RPS29: variants seen among roughly 807,000 people sequenced by gnomAD.
The protein encoded by RPS29 is ribosomal protein S29.
For synonymous variants in RPS29, 37 were observed against 26.9 expected (o/e 1.37, Z -1.16); for missense variants, 60 against 75.7 (o/e 0.79, Z 0.77).
chr14:49,579,893 G>C (rs138745732), downstream of RPS29, among the ~76,000 whole-genome samples: 56 of 152,304 alleles, frequency 3.7e-4, no homozygotes, highest in African/African-American at 1.3e-3. Flanking sequence ...TTCTTTGGGA[G>C]ACCTTGGGGA....
intron 2 of RPS29, 55 bp downstream of exon 2, chr14:49,585,895 A>G (rs1195750836): frequency 1.5e-6 from 2 of 1,365,826 alleles, no homozygotes; most frequent in African/African-American, 2.9e-5. Flanking sequence ...CGGAAAAAAT[A>G]ACCCCCACAA....
rs186081630 is a variant in RPS29 at position 49,597,104 on chromosome 14, G to T, written c.-133+1296C>A. Among the ~76,000 whole-genome samples the T allele has an allele frequency of 3.1e-3, 477 of 152,106 alleles. 4 individuals carry two copies. The highest frequency in any genetic ancestry group is 0.011 in the African/African-American group (460 of 41,514). On this transcript the variant is annotated intron_variant, in intron 1 of 3. Coordinates refer to the RPS29 transcript ENST00000556230. ...AATTTTTGTATTTTTAGTAGAGACG[G>T]GGTTTCACCATGCTGGCCAGGCTGG...
intron 1 of RPS29, chr14:49,598,235 T>C: frequency 6.9e-6 from 4 of 581,390 alleles, no homozygotes. Flanking sequence ...ACCCCGACCG[T>C]GAGCGCCTGC....
At chr14:49,593,793 CAG>C (rs1881765933) in intron 1 of RPS29, among the ~76,000 whole-genome samples, 1 of 142,508 alleles carries the variant, frequency 7.0e-6, no homozygotes, top group Admixed American at 7.1e-5. Flanking sequence ...ACTGAAAAAA[CAG>C]AGGCTGTCCT....
chr14:49,584,877 TA>T (rs952634618), intron 2 of RPS29, among the ~76,000 whole-genome samples: 18 of 146,866 alleles, frequency 1.2e-4, no homozygotes, highest in South Asian at 2.1e-4. Flanking sequence ...GTTTTCACCT[TA>T]AAAAAAAAAA....
chr14:49,586,641 G>C (rs991424695), upstream of RPS29: 23 of 435,960 alleles, frequency 5.3e-5, no homozygotes, highest in African/African-American at 1.0e-4. Flanking sequence ...CTGGAGGATC[G>C]CTTGAGTCCA....
At chr14:49,588,876 CTTTTTT>C (rs577408713), upstream of RPS29, among the ~76,000 whole-genome samples, 3 of 92,508 alleles carry the variant, frequency 3.2e-5, no homozygotes, top group South Asian at 8.5e-4. Flanking sequence ...TTTCTGAGTC[CTTTTTT>C]TTTTTTTTTT....
intron 2 of RPS29, among the ~76,000 whole-genome samples, chr14:49,584,288 G>C (rs914649748): frequency 1.3e-5 from 2 of 152,222 alleles, no homozygotes; most frequent in African/African-American, 2.4e-5. Flanking sequence ...AGTTCATCTA[G>C]GACACAGAGC....
rs557426636 is a variant in RPS29, at chr14:49,598,253, T to C, written c.-133+147A>G. The C allele has an allele frequency of 3.4e-3, 1,997 of 588,572 alleles. 22 individuals carry two copies. The highest frequency in any genetic ancestry group is 6.6e-3 in the South Asian group (320 of 48,454). 36.5% of individuals were successfully genotyped at this position (588,572 alleles called of 1,614,324 possible). On this transcript the variant is annotated intron_variant, in intron 1 of 3. Coordinates refer to the RPS29 transcript ENST00000556230. ...CCGACCGTGAGCGCCTGCTTAACAT[T>C]TGCTCCCCAGGCGCTTCCCACTCCC...
At chr14:49,571,566 T>C (rs528376788) in exon 3 of RPS29, 6 of 152,186 alleles carry the variant, frequency 3.9e-5, no homozygotes, top group Admixed American at 6.5e-5. Flanking sequence ...AGCTGGTGCT[T>C]TGAGTCAGCC....
At chr14:49,582,185 G>C (rs1001883574), downstream of RPS29, among the ~76,000 whole-genome samples, 5 of 152,224 alleles carry the variant, frequency 3.3e-5, no homozygotes, top group East Asian at 1.9e-4. Context: ...GTTGTCCCAG[G>C]TACTTGGGAG....
At chr14:49,586,147 T>G (rs1415588391) in intron 1 of RPS29, 98 bp from the exon 2 acceptor site, 2 of 1,394,536 alleles carry the variant, frequency 1.4e-6, no homozygotes, top group East Asian at 4.6e-5. Flanking sequence ...CAAGCCACAG[T>G]ACAGGCCTGT....
upstream of RPS29, chr14:49,586,880 T>C (rs1422479642): frequency 6.3e-6 from 1 of 159,964 alleles, no homozygotes; most frequent in Admixed American, 5.8e-5. Flanking sequence ...CCCGTCTCTT[T>C]TGAACAATAA....
rs1881412528 is a variant in RPS29 at position 49,583,668 on chromosome 14, T to C, written c.170A>G (p.Ter57=). 1 of 1,557,700 alleles carries C rather than the reference T, an allele frequency of 6.4e-7. No homozygotes were observed. The highest frequency in any genetic ancestry group is 8.8e-7 in the Non-Finnish European group (1 of 1,136,980). Residue 57 remains the stop codon, a stop_retained_variant, in exon 3 of 3, where the codon TAA becomes TGA. Transcript: ENST00000245458. The stretch of plus-strand genomic sequence containing the variant: ...GATAATCCTCTGAAGGAAGAGCATT[T>C]AGTCCAACTGAAAAAAAAAAAGCAG... ...AKDIGFIKLD[*] is the part of the protein sequence containing the mutation.
intron 1 of RPS29, among the ~76,000 whole-genome samples, chr14:49,593,472 G>A (rs1039151160): frequency 1.3e-5 from 2 of 152,082 alleles, no homozygotes; most frequent in Admixed American, 6.6e-5. Flanking sequence ...GGGAGGCCAA[G>A]GTAGGTGGAT....
At position 49,592,678 on chromosome 14, in the gene RPS29, A is replaced by T. The variant is rs1036564130; in HGVS notation, c.-133+5722T>A. Among the ~76,000 whole-genome samples, 6 of 149,294 alleles carry T rather than the reference A, an allele frequency of 4.0e-5. No individual in the cohort carries two copies. In the Admixed American group the frequency reaches 4.0e-4, roughly 10 times the overall value. On this transcript the variant is annotated intron_variant, in intron 1 of 3. Transcript: ENST00000556230. ...AATCCCAGCACTTTGGGAGGCCGAGACGCGTGGGTCACCTGAGGTCAGGAG... is the reference window on the plus strand; with the variant it reads ...AATCCCAGCACTTTGGGAGGCCGAGTCGCGTGGGTCACCTGAGGTCAGGAG...
chr14:49,586,392 C>A (rs201193995), upstream of RPS29: 2,232 of 1,535,248 alleles, frequency 1.5e-3, 5 homozygotes, highest in Non-Finnish European at 1.9e-3. Flanking sequence ...AGCTGGCCCA[C>A]GCATGCGCTC....
chr14:49,586,348 T>C lies in RPS29; in HGVS notation c.-2A>G, dbSNP rs761067457. ...CCAGTACAGCTGCTGGTGACCCATC[T>C]TGCTCTCAGCAGTGCAACGAGGTAA... On this transcript the variant is annotated 5_prime_UTR_variant, in exon 1 of 3. Coordinates refer to ENST00000245458, the MANE Select transcript of RPS29 (RefSeq NM_001032.5). 85 of 1,613,790 alleles carry C rather than the reference T, an allele frequency of 5.3e-5. No homozygotes were observed. Among genetic ancestry groups the C allele is most frequent in the South Asian group, 2.4e-4 (22 of 91,082 alleles).
chr14:49,585,027 T>C (rs1881477671), intron 2 of RPS29, among the ~76,000 whole-genome samples: 1 of 152,060 alleles, frequency 6.6e-6, no homozygotes, highest in African/African-American at 2.4e-5. Context: ...CTTAACAATG[T>C]CTTTCCGGCC....
Sources: allele counts gnomAD v4.1 joint callset (sites outside exome capture counted in the v4.1 genomes callset), GRCh38; gene constraint gnomAD v4.1.1; transcripts MANE v1.5; gene names NCBI Gene and HGNC (gene_info 2026-07-23, HGNC 2026-07-21).